Variants in UTRN observed in about 807,000 individuals in gnomAD.
UTRN encodes the protein utrophin.
Under a neutral mutation model 463.9 loss-of-function variants are expected in UTRN, and 283 were observed. That is an observed-to-expected ratio of 0.61 (90% CI 0.55 to 0.67). The LOEUF (loss-of-function observed/expected upper bound fraction) is 0.67, where lower values mean the gene tolerates loss of function less well. Among genes scored for constraint, UTRN ranks in the 30% least tolerant of loss-of-function variants. UTRN has a pLI of 0.00. For missense variants in UTRN, 3,922 were observed against 4,084.3 expected (o/e 0.96, Z 1.08); for synonymous variants, 1,442 against 1,431.5 (o/e 1.01, Z -0.17).
intron 23 of UTRN, among the ~76,000 whole-genome samples, chr6:144,463,899 G>C (rs1789668100): frequency 6.6e-6 from 1 of 150,820 alleles, no homozygotes; most frequent in Non-Finnish European, 1.5e-5. Flanking sequence ...AGATGTCTCT[G>C]TATATATGCA....
chr6:144,788,229 G>A lies in UTRN; in HGVS notation c.8835-965G>A, dbSNP rs374851778. 7.2e-5 allele frequency among the ~76,000 whole-genome samples: 11 copies of A among 151,930 alleles called. No individual in the cohort carries two copies. The East Asian group carries it at 1.9e-3, about 27-fold the overall frequency. ...TATAATTTGATATTTCCCCAAATAGGGATTTCACATCTGTCTAAGATCACT... is the reference window on the plus strand; with the variant it reads ...TATAATTTGATATTTCCCCAAATAGAGATTTCACATCTGTCTAAGATCACT... On this transcript the variant is annotated intron_variant, in intron 61 of 74. Transcript: ENST00000367545.
chr6:144,651,843 G>T (rs542742245), intron 51 of UTRN, among the ~76,000 whole-genome samples: 1 of 151,508 alleles, frequency 6.6e-6, no homozygotes, highest in Admixed American at 6.6e-5. Context: ...ATAGGTTTTT[G>T]GGGGGCAAGT....
chr6:144,654,022 C>T (rs1233146909), intron 51 of UTRN, among the ~76,000 whole-genome samples: 4 of 152,108 alleles, frequency 2.6e-5, no homozygotes, highest in Non-Finnish European at 4.4e-5. Context: ...AGAGAGATAA[C>T]GGTACAGAAA....
chr6:144,686,781 T>C (rs750672191), intron 52 of UTRN, among the ~76,000 whole-genome samples: 6 of 152,182 alleles, frequency 3.9e-5, no homozygotes, highest in Non-Finnish European at 7.4e-5. Context: ...TCTATAAGAA[T>C]CCTTATGTGT....
At chr6:144,788,586 A>T (rs1340269795) in intron 61 of UTRN, among the ~76,000 whole-genome samples, 17 of 141,598 alleles carry the variant, frequency 1.2e-4, no homozygotes, top group African/African-American at 4.6e-4. Context: ...TTTTTTTGAG[A>T]TGGAGTCTCG....
chr6:144,463,735 A>G (rs186702877), intron 23 of UTRN, among the ~76,000 whole-genome samples: 2 of 151,944 alleles, frequency 1.3e-5, no homozygotes, highest in East Asian at 3.9e-4. Flanking sequence ...GAAGGCATCC[A>G]ATCAATATTT....
chr6:144,591,218 C>T (rs1490584829), intron 51 of UTRN, among the ~76,000 whole-genome samples: 1 of 152,176 alleles, frequency 6.6e-6, no homozygotes, highest in Non-Finnish European at 1.5e-5. Flanking sequence ...CCCCTGCAGA[C>T]TTTGACTCAC....
Position 144,789,054 on chromosome 6 carries a change from A to T in UTRN, c.8835-140A>T, listed in dbSNP as rs1015489288. 1.9e-5 allele frequency: 13 copies of T among 669,298 alleles called. No homozygotes were observed. In the East Asian group the frequency reaches 3.0e-4, roughly 15 times the overall value. The allele number at this position is 669,298 out of a possible 1,614,324, so 41.5% of individuals were successfully genotyped here. On this transcript the variant is annotated intron_variant, in intron 61 of 74. Transcript: ENST00000367545. Reference sequence around the variant, plus strand: ...AGTATTGGTTTAATATTAATTGTTAAAAGTTAATAGAAAAGTTGCATCTTT... The same window carrying T: ...AGTATTGGTTTAATATTAATTGTTATAAGTTAATAGAAAAGTTGCATCTTT...
intron 51 of UTRN, among the ~76,000 whole-genome samples, chr6:144,665,958 G>A (rs1409516972): frequency 6.6e-6 from 1 of 152,174 alleles, no homozygotes; most frequent in East Asian, 1.9e-4. Flanking sequence ...ACTGGCTTAT[G>A]TTAAATGCTT....
chr6:144,687,342 ACT>A (rs2128689754), intron 52 of UTRN, among the ~76,000 whole-genome samples: 1 of 152,210 alleles, frequency 6.6e-6, no homozygotes, highest in Non-Finnish European at 1.5e-5. Flanking sequence ...ATTCTTATAG[ACT>A]CAAGGTAAAG....
In UTRN at chr6:144,805,041, T is replaced by G. The variant is rs1001125750; in HGVS notation, c.9357+1894T>G. On this transcript the variant is annotated intron_variant, in intron 65 of 74. Transcript: ENST00000367545. ...AACTGTTATAAATTATGTTCATGTTTGTTTAAGTCTTTTAATGGAGAAGTG... is the reference window on the plus strand; with the variant it reads ...AACTGTTATAAATTATGTTCATGTTGGTTTAAGTCTTTTAATGGAGAAGTG... 7.9e-5 allele frequency among the ~76,000 whole-genome samples: 12 copies of G among 152,226 alleles called. No individual in the cohort carries two copies. In the South Asian group the frequency reaches 8.3e-4, roughly 11 times the overall value.
chr6:144,645,237 T>G (rs971993440), intron 51 of UTRN, among the ~76,000 whole-genome samples: 4 of 152,244 alleles, frequency 2.6e-5, no homozygotes, highest in Admixed American at 2.6e-4. Flanking sequence ...TATTCCCAAG[T>G]AATTTTTGTT....
At chr6:144,723,926 C>A (rs887027176) in intron 53 of UTRN, among the ~76,000 whole-genome samples, 2 of 145,064 alleles carry the variant, frequency 1.4e-5, no homozygotes, top group Non-Finnish European at 3.0e-5. Context: ...GGCAGAATTG[C>A]TTGAGCCCGG....
chr6:144,487,415 CT>C, intron 28 of UTRN, 132 bp from the exon 29 acceptor site: 1 of 858,924 alleles, frequency 1.2e-6, no homozygotes, highest in Non-Finnish European at 1.6e-6. Flanking sequence ...ATTTACTTAA[CT>C]TTTGGTCCTG....
chr6:144,785,320 G>A (rs1203917122), intron 61 of UTRN, among the ~76,000 whole-genome samples: 2 of 152,192 alleles, frequency 1.3e-5, no homozygotes, highest in Non-Finnish European at 2.9e-5. Flanking sequence ...TCTTGATAAT[G>A]AGTGATGCAC....
In UTRN at chr6:144,846,997, G is replaced by A. The variant is rs554114580; in HGVS notation, c.10293+170G>A. Among the ~76,000 whole-genome samples the A allele has an allele frequency of 5.9e-5, 9 of 152,278 alleles. No individual in the cohort carries two copies. The East Asian group carries it at 1.5e-3, about 26-fold the overall frequency. ...AACAGTTTGTCAGTCTGGGAGTGGG[G>A]GGTGGCTCCCAAGCCACAGATACCA... is the stretch of plus-strand genomic sequence containing the variant. On this transcript the variant is annotated intron_variant, in intron 74 of 74. Transcript: ENST00000367545.
chr6:144,421,999 A>T (rs755271510), intron 4 of UTRN, 29 bp downstream of exon 4: 20 of 1,583,528 alleles, frequency 1.3e-5, no homozygotes, highest in Non-Finnish European at 1.7e-5. Context: ...TAAACAACGG[A>T]GTCTCCGGTC....
intron 8 of UTRN, 63 bp downstream of exon 8, chr6:144,428,956 A>T (rs1035864450): frequency 9.1e-7 from 1 of 1,102,322 alleles, no homozygotes; most frequent in Admixed American, 2.6e-5. Flanking sequence ...CTTGAAAAGC[A>T]GTGTTTCTTT....
At chr6:144,602,185 G>T (rs1239852908) in intron 51 of UTRN, among the ~76,000 whole-genome samples, 1 of 151,944 alleles carries the variant, frequency 6.6e-6, no homozygotes, top group African/African-American at 2.4e-5. Context: ...AGGCTGGAGT[G>T]CAGGGGTACG....
Sources: gnomAD v4.1 joint callset for allele counts (sites outside exome capture counted in the v4.1 genomes callset) on GRCh38, gnomAD v4.1.1 for gene constraint, MANE v1.5 for transcripts, NCBI Gene and HGNC (gene_info 2026-07-23, HGNC 2026-07-21) for gene names.